The following FBXO34 variants were observed in gnomAD, a reference collection of about 807,000 sequenced individuals.
The protein encoded by FBXO34 is F-box protein 34.
In FBXO34, 12 loss-of-function variants were observed where a neutral mutation model predicts 24.5. The observed-to-expected ratio is 0.49, with a 90% CI of 0.31 to 0.79. The LOEUF (loss-of-function observed/expected upper bound fraction) is 0.79, where lower values mean the gene tolerates loss of function less well. FBXO34 is among the 30% of genes least tolerant of loss of function. FBXO34 has a pLI of 0.04. For missense variants in FBXO34, 823 were observed against 857.7 expected, an observed-to-expected ratio of 0.96 and a Z score of 0.51; for synonymous variants, 320 against 311.9, an observed-to-expected ratio of 1.03 and a Z score of -0.27.
intron 1 of FBXO34, among the ~76,000 whole-genome samples, chr14:55,335,947 T>G (rs1336369689): frequency 6.6e-6 from 1 of 152,208 alleles, no homozygotes; most frequent in Non-Finnish European, 1.5e-5. Context: ...CATGACTGAA[T>G]GTAGGAGGTG....
At chr14:55,301,698 T>G (rs1300356454) in intron 1 of FBXO34, among the ~76,000 whole-genome samples, 2 of 152,186 alleles carry the variant, frequency 1.3e-5, no homozygotes, top group Admixed American at 1.3e-4. Context: ...TAGAAAGTTT[T>G]AGGTACAAGG....
intron 1 of FBXO34, among the ~76,000 whole-genome samples, chr14:55,288,826 G>A (rs1052773602): frequency 5.9e-5 from 9 of 152,288 alleles, no homozygotes; most frequent in East Asian, 3.9e-4. Flanking sequence ...TCAGGTGGGC[G>A]GATCACTTGA....
intron 1 of FBXO34, among the ~76,000 whole-genome samples, chr14:55,284,683 C>CTTA (rs1269973031): frequency 1.4e-5 from 2 of 140,534 alleles, no homozygotes; most frequent in Non-Finnish European, 1.5e-5. Context: ...GTGGTGCATT[C>CTTA]TTAGCTCACT....
chr14:55,301,683 T>C (rs200547060), intron 1 of FBXO34, among the ~76,000 whole-genome samples: 52 of 152,212 alleles, frequency 3.4e-4, no homozygotes, highest in Non-Finnish European at 3.4e-4. Flanking sequence ...CTCTGCTCTC[T>C]TCAGTAGAAA....
At chr14:55,287,214 A>G (rs1881793143) in intron 1 of FBXO34, among the ~76,000 whole-genome samples, 3 of 152,064 alleles carry the variant, frequency 2.0e-5, no homozygotes, top group African/African-American at 7.2e-5. Context: ...TATCATTTAC[A>G]TCTTATACAC....
chr14:55,299,217 G>T (rs1882254447), intron 1 of FBXO34: 1 of 909,228 alleles, frequency 1.1e-6, no homozygotes, highest in Non-Finnish European at 1.9e-6. Flanking sequence ...ATCAAAACCT[G>T]CCAAGAAGAG....
At chr14:55,376,199 G>A in the FBXO34 span, among the ~76,000 whole-genome samples, 1 of 152,208 alleles carries the variant, frequency 6.6e-6, no homozygotes, top group Non-Finnish European at 1.5e-5. Flanking sequence ...CTAAGCGTCA[G>A]TTTCTCCTGT....
At chr14:55,369,981 A>T (rs531727924), downstream of FBXO34, 33 of 1,505,278 alleles carry the variant, frequency 2.2e-5, 1 homozygote, top group Middle Eastern at 1.8e-4. Context: ...AACACCAGAA[A>T]ATATGCCATC....
At chr14:55,397,161 C>T in the FBXO34 span, among the ~76,000 whole-genome samples, 1,638 of 152,284 alleles carry the variant, frequency 0.011, 12 homozygotes, top group Middle Eastern at 0.027. Flanking sequence ...TACTGTATAC[C>T]ACACACCGGA....
At chr14:55,374,591 C>T (rs58571408), downstream of FBXO34, among the ~76,000 whole-genome samples, 151 of 152,304 alleles carry the variant, frequency 9.9e-4, 2 homozygotes, top group African/African-American at 3.3e-3. Context: ...TTGTGGCTTA[C>T]TTGGGAATTC....
At position 55,324,294 on chromosome 14, in the gene FBXO34, A is replaced by G. The variant is rs546808163; in HGVS notation, c.-10-26087A>G. Among the ~76,000 whole-genome samples the G allele has an allele frequency of 2.2e-3, 339 of 152,312 alleles. 1 individual carries two copies. Among genetic ancestry groups the G allele is most frequent in the African/African-American group, 7.8e-3 (324 of 41,564 alleles). On this transcript the variant is annotated intron_variant, in intron 1 of 1. Coordinates refer to ENST00000313833, the MANE Select transcript of FBXO34 (RefSeq NM_017943.4). ...AATTCCTTTTGATGGCTGAATTAAT[A>G]TTCCATTGTATACTTGTACCACAGT...
At chr14:55,437,072 T>TA in the FBXO34 span, 1 of 1,490,690 alleles carries the variant, frequency 6.7e-7, no homozygotes, top group Non-Finnish European at 9.3e-7. Context: ...AACAGCATGT[T>TA]ACACAAAAGG....
intron 3 of FBXO34, among the ~76,000 whole-genome samples, chr14:55,361,065 C>T (rs1247772928): frequency 6.6e-6 from 1 of 152,094 alleles, no homozygotes; most frequent in Admixed American, 6.6e-5. Context: ...TTAATGGCAT[C>T]CAGAATGGCG....
At chr14:55,310,457 C>T (rs565927606) in intron 1 of FBXO34, among the ~76,000 whole-genome samples, 3 of 152,172 alleles carry the variant, frequency 2.0e-5, no homozygotes, top group African/African-American at 7.2e-5. Flanking sequence ...GCAGGTCACA[C>T]CACCAAACCA....
chr14:55,377,972 T>C, the FBXO34 span: 1 of 1,601,378 alleles, frequency 6.2e-7, no homozygotes, highest in Non-Finnish European at 8.5e-7. Context: ...GTTCACAACC[T>C]ATTTTTCATA....
chr14:55,372,879 C>T (rs1367954691), downstream of FBXO34, among the ~76,000 whole-genome samples: 1 of 152,188 alleles, frequency 6.6e-6, no homozygotes, highest in East Asian at 1.9e-4. Context: ...GAGAAACCCA[C>T]CTGGCACGGA....
intron 1 of FBXO34, among the ~76,000 whole-genome samples, chr14:55,326,853 T>G (rs1883358001): frequency 6.6e-6 from 1 of 152,150 alleles, no homozygotes; most frequent in South Asian, 2.1e-4. Flanking sequence ...ACAAAACAGT[T>G]GGTATAATTT....
chr14:55,288,411 C>G (rs1012067201), intron 1 of FBXO34, among the ~76,000 whole-genome samples: 24 of 151,886 alleles, frequency 1.6e-4, no homozygotes, highest in African/African-American at 5.8e-4. Flanking sequence ...TGGGCTACTG[C>G]AAAATTAAAT....
chr14:55,325,998 T>C (rs561123318), intron 1 of FBXO34: 3 of 152,310 alleles, frequency 2.0e-5, no homozygotes, highest in Admixed American at 6.5e-5. Flanking sequence ...ATTCTTGAAG[T>C]GGGGCAGGAT....
Sources: gnomAD v4.1 joint callset for allele counts (sites outside exome capture counted in the v4.1 genomes callset) on GRCh38, gnomAD v4.1.1 for gene constraint, MANE v1.5 for transcripts, NCBI Gene and HGNC (gene_info 2026-07-23, HGNC 2026-07-21) for gene names.